Variants in LRP6 observed in about 807,000 individuals in gnomAD.
The protein encoded by LRP6 is low-density lipoprotein receptor-related protein 6.
In LRP6, 43 loss-of-function variants were observed where a neutral mutation model predicts 184.1. The ratio of observed to expected loss-of-function variants is 0.23; its 90% CI spans 0.18 to 0.30. The LOEUF is 0.30. Among genes scored for constraint, LRP6 ranks in the 10% least tolerant of loss-of-function variants. LRP6 has a pLI of 1.00. For synonymous variants in LRP6, 719 were observed against 684.9 expected, an observed-to-expected ratio of 1.05 and a Z score of -0.78; for missense variants, 1,571 against 2,005.3, an observed-to-expected ratio of 0.78 and a Z score of 4.14.
At chr12:12,161,866 A>G (rs543388820) in intron 10 of LRP6, among the ~76,000 whole-genome samples, 221 of 152,316 alleles carry the variant, frequency 1.5e-3, no homozygotes, top group Middle Eastern at 6.8e-3. Flanking sequence ...GGAATCTAGT[A>G]TAACTGGGAA....
At chr12:12,231,686 T>C (rs987223838) in intron 2 of LRP6, among the ~76,000 whole-genome samples, 2 of 151,984 alleles carry the variant, frequency 1.3e-5, no homozygotes, top group Non-Finnish European at 2.9e-5. Flanking sequence ...GAAACGGTTT[T>C]TTTTTTGTTT....
chr12:12,234,482 C>G (rs1864879888), intron 2 of LRP6, among the ~76,000 whole-genome samples: 1 of 151,646 alleles, frequency 6.6e-6, no homozygotes, highest in Non-Finnish European at 1.5e-5. Flanking sequence ...AAAGAACATG[C>G]AAAAGAGCAT....
intron 2 of LRP6, among the ~76,000 whole-genome samples, chr12:12,229,347 G>A (rs553359450): frequency 9.2e-4 from 127 of 137,992 alleles, no homozygotes; most frequent in African/African-American, 3.4e-3. Context: ...TCCAGCCTGG[G>A]CAAAAGAAGT....
chr12:12,248,377 A>G (rs1011937372), intron 1 of LRP6, among the ~76,000 whole-genome samples: 2 of 147,698 alleles, frequency 1.4e-5, no homozygotes, highest in African/African-American at 5.1e-5. Flanking sequence ...ATTAGCTATT[A>G]CTCTTTTATC....
intron 1 of LRP6, among the ~76,000 whole-genome samples, chr12:12,255,303 G>GA (rs536708561): frequency 0.015 from 1,956 of 128,760 alleles, 28 homozygotes; most frequent in African/African-American, 0.042. Flanking sequence ...GCTGACTGCA[G>GA]AAAAAAAAAA....
chr12:12,129,716 C>T (rs1304956035), intron 19 of LRP6, among the ~76,000 whole-genome samples: 1 of 152,120 alleles, frequency 6.6e-6, no homozygotes, highest in Admixed American at 6.5e-5. Context: ...CCACGCCCAG[C>T]TAATTTTTGT....
At chr12:12,162,601 T>C (rs933236250) in intron 9 of LRP6, among the ~76,000 whole-genome samples, 182 bp from the exon 10 acceptor site, 3 of 152,220 alleles carry the variant, frequency 2.0e-5, no homozygotes, top group African/African-American at 4.8e-5. Flanking sequence ...CTCTAATAAA[T>C]GCAACTTCAA....
rs9705600 is a variant in LRP6, at chr12:12,144,912, G to T, written c.3397+2454C>A. 3.5e-4 allele frequency among the ~76,000 whole-genome samples: 50 copies of T among 141,430 alleles called. No individual in the cohort carries two copies. The East Asian group carries it at 3.7e-3, about 11-fold the overall frequency. The allele number at this position is 141,430 out of a possible 152,430, so 92.8% of individuals were successfully genotyped here. On this transcript the variant is annotated intron_variant, in intron 15 of 22. Coordinates refer to ENST00000261349, the MANE Select transcript of LRP6 (RefSeq NM_002336.3). ...GGAACATCACACACTGGGGCCTGTCGGGGGGTGGGGGGCTAGGGGAGGGAT... is the reference window on the plus strand; with the variant it reads ...GGAACATCACACACTGGGGCCTGTCTGGGGGTGGGGGGCTAGGGGAGGGAT...
chr12:12,206,094 T>C (rs765788058), intron 2 of LRP6, among the ~76,000 whole-genome samples: 2 of 152,234 alleles, frequency 1.3e-5, no homozygotes, highest in Non-Finnish European at 2.9e-5. Context: ...TAAGCTATCT[T>C]ATATAGCCCA....
intron 7 of LRP6, among the ~76,000 whole-genome samples, chr12:12,178,372 T>C (rs1041444802): frequency 6.6e-6 from 1 of 152,192 alleles, no homozygotes; most frequent in Non-Finnish European, 1.5e-5. Flanking sequence ...TATAGCAGAC[T>C]AAGATGGGCA....
At position 12,121,127 on chromosome 12, in the gene LRP6, C is replaced by T. The variant is rs1949598991; in HGVS notation, c.4841G>A (p.Ter1614=). 3.1e-6 allele frequency: 5 copies of T among 1,596,366 alleles called. No individual in the cohort carries two copies. The highest frequency in any genetic ancestry group is 4.3e-6 in the Non-Finnish European group (5 of 1,168,246). Residue 1614 remains the stop codon, a stop_retained_variant, in exon 23 of 23, where the codon TGA becomes TAA. Coordinates refer to ENST00000261349, the MANE Select transcript of LRP6 (RefSeq NM_002336.3). ...PPPSPCTDSS[*] is the part of the protein sequence containing the mutation. ...CAGTCAGAGGAGGAGGGCCCCTCCTCAGGAGGAGTCTGTACAGGGAGAGGG... is the reference window on the plus strand; with the variant it reads ...CAGTCAGAGGAGGAGGGCCCCTCCTTAGGAGGAGTCTGTACAGGGAGAGGG...
rs1461104247 is a variant in LRP6, at chr12:12,176,739, C to T, written c.1545+3071G>A. On this transcript the variant is annotated intron_variant, in intron 7 of 22. Coordinates refer to ENST00000261349, the MANE Select transcript of LRP6 (RefSeq NM_002336.3). ...TTTCCCATGTGATCCACTCAAGACACATAGGTTTACTATGTCTTACCTTGC... is the reference window on the plus strand; with the variant it reads ...TTTCCCATGTGATCCACTCAAGACATATAGGTTTACTATGTCTTACCTTGC... 3.3e-5 allele frequency among the ~76,000 whole-genome samples: 5 copies of T among 152,012 alleles called. No individual in the cohort carries two copies. The East Asian group carries it at 9.7e-4, about 29-fold the overall frequency.
At chr12:12,200,427 C>T (rs756948230) in intron 3 of LRP6, among the ~76,000 whole-genome samples, 13 of 152,070 alleles carry the variant, frequency 8.5e-5, no homozygotes, top group Admixed American at 3.3e-4. Flanking sequence ...AGGATCTACC[C>T]GGGGGCCCTT....
intron 9 of LRP6, among the ~76,000 whole-genome samples, chr12:12,163,668 G>T (rs16907789): frequency 0.084 from 12,740 of 152,050 alleles, 598 homozygotes; most frequent in Admixed American, 0.12. Context: ...GCCATTTTAC[G>T]TGAAGCACAC....
At chr12:12,150,787 T>C in intron 13 of LRP6, 49 bp downstream of exon 13, 1 of 1,588,964 alleles carries the variant, frequency 6.3e-7, no homozygotes, top group South Asian at 1.1e-5. Flanking sequence ...GGTTGGTGAG[T>C]CCAGTTATTA....
At chr12:12,205,990 C>A (rs985906387) in intron 2 of LRP6, among the ~76,000 whole-genome samples, 8 of 152,174 alleles carry the variant, frequency 5.3e-5, no homozygotes, top group African/African-American at 1.9e-4. Context: ...TATACCTTTT[C>A]TATGTTTAGA....
At chr12:12,175,720 A>G (rs1035082533) in intron 7 of LRP6, among the ~76,000 whole-genome samples, 1 of 148,992 alleles carries the variant, frequency 6.7e-6, no homozygotes, top group Non-Finnish European at 1.5e-5. Context: ...ATAAAATAAA[A>G]TAAAATAAAA....
chr12:12,225,784 A>G (rs1284479627), intron 2 of LRP6, among the ~76,000 whole-genome samples: 1 of 152,006 alleles, frequency 6.6e-6, no homozygotes, highest in South Asian at 2.1e-4. Flanking sequence ...AAGCAGGAGA[A>G]TCGCTTGAAC....
chr12:12,177,868 C>T lies in LRP6; in HGVS notation c.1545+1942G>A, dbSNP rs1282546195. 4.6e-5 allele frequency among the ~76,000 whole-genome samples: 7 copies of T among 151,770 alleles called. No individual in the cohort carries two copies. The South Asian group carries it at 6.2e-4, about 14-fold the overall frequency. On this transcript the variant is annotated intron_variant, in intron 7 of 22. Coordinates refer to ENST00000261349, the MANE Select transcript of LRP6 (RefSeq NM_002336.3). The stretch of plus-strand genomic sequence containing the variant: ...AGATTTATGGGTGACAGAGCCTTTG[C>T]AGATTAAAAGAACGAATGAATGAAG...
Sources: allele counts gnomAD v4.1 joint callset (sites outside exome capture counted in the v4.1 genomes callset), GRCh38; gene constraint gnomAD v4.1.1; transcripts MANE v1.5; gene names NCBI Gene and HGNC (gene_info 2026-07-23, HGNC 2026-07-21).